Variants in USP28 observed in about 807,000 individuals in gnomAD.
USP28 encodes the protein ubiquitin specific peptidase 28, also known as ubiquitin carboxyl-terminal hydrolase 28.
Under a neutral mutation model 145.0 loss-of-function variants are expected in USP28, and 113 were observed. That is an observed-to-expected ratio of 0.78 (90% CI 0.67 to 0.91). The LOEUF (loss-of-function observed/expected upper bound fraction) is 0.91, where lower values mean the gene tolerates loss of function less well. Among genes scored for constraint, USP28 ranks in the 40% least tolerant of loss-of-function variants. USP28 has a pLI of 0.00. For missense variants in USP28, 1,201 were observed against 1,289.6 expected (o/e 0.93, Z 1.05); for synonymous variants, 447 against 450.9 (o/e 0.99, Z 0.11).
chr11:113,861,905 A>AT (rs1947735956), intron 1 of USP28, among the ~76,000 whole-genome samples: 1 of 152,246 alleles, frequency 6.6e-6, no homozygotes, highest in South Asian at 2.1e-4. Context: ...TTAACAACAT[A>AT]TTGGTAGGGC....
At chr11:113,872,282 C>T (rs181666546) in intron 1 of USP28, among the ~76,000 whole-genome samples, 1 of 152,048 alleles carries the variant, frequency 6.6e-6, no homozygotes, top group Non-Finnish European at 1.5e-5. Context: ...GTCAGGAGAT[C>T]GAGACCATCC....
chr11:113,843,251 G>A (rs1945413762), intron 3 of USP28, among the ~76,000 whole-genome samples: 1 of 151,746 alleles, frequency 6.6e-6, no homozygotes, highest in Admixed American at 6.6e-5. Flanking sequence ...ATATAGACTG[G>A]AAAATAAGAA....
chr11:113,840,003 A>G (rs1401382930), intron 5 of USP28, among the ~76,000 whole-genome samples: 1 of 152,192 alleles, frequency 6.6e-6, no homozygotes, highest in Non-Finnish European at 1.5e-5. Flanking sequence ...AGAGCGAGAC[A>G]CTGTGTCAGA....
intron 15 of USP28, 163 bp downstream of exon 15, chr11:113,813,722 T>C (rs1283452408): frequency 1.5e-6 from 1 of 661,438 alleles, no homozygotes. Flanking sequence ...ATTGCTTTCT[T>C]TAGCCTAAAA....
chr11:113,803,727 AT>A, intron 22 of USP28, 70 bp downstream of exon 23: 3 of 1,263,178 alleles, frequency 2.4e-6, no homozygotes, highest in Non-Finnish European at 3.4e-6. Flanking sequence ...GACTCTTAGT[AT>A]TCCCAGGTAG....
intron 12 of USP28, among the ~76,000 whole-genome samples, chr11:113,822,966 G>T (rs1942847141): frequency 6.6e-6 from 1 of 152,112 alleles, no homozygotes; most frequent in Non-Finnish European, 1.5e-5. Context: ...ACTGTTAAGT[G>T]GATAAAGGGA....
chr11:113,822,777 A>G (rs553845747), intron 12 of USP28, among the ~76,000 whole-genome samples: 1 of 152,298 alleles, frequency 6.6e-6, no homozygotes, highest in South Asian at 2.1e-4. Flanking sequence ...ATAAAGACAA[A>G]TGACTAGTCA....
intron 1 of USP28, among the ~76,000 whole-genome samples, chr11:113,864,075 A>G (rs1302926267): frequency 6.6e-6 from 1 of 151,436 alleles, no homozygotes; most frequent in East Asian, 1.9e-4. Context: ...CCCCATCTCT[A>G]CTAAAAATAC....
At chr11:113,850,710 A>C (rs1245262614) in intron 3 of USP28, among the ~76,000 whole-genome samples, 2 of 152,110 alleles carry the variant, frequency 1.3e-5, no homozygotes, top group Non-Finnish European at 2.9e-5. Flanking sequence ...CAGACCTCTG[A>C]ACATAGGCAG....
At chr11:113,862,717 C>T (rs892503491) in intron 1 of USP28, among the ~76,000 whole-genome samples, 3 of 152,010 alleles carry the variant, frequency 2.0e-5, no homozygotes, top group South Asian at 2.1e-4. Flanking sequence ...TAAGAGAATG[C>T]CATTGCCAAT....
intron 3 of USP28, among the ~76,000 whole-genome samples, chr11:113,846,606 G>GTA (rs1945878569): frequency 1.3e-5 from 2 of 152,106 alleles, no homozygotes; most frequent in African/African-American, 4.8e-5. Flanking sequence ...ATTTAAGAAT[G>GTA]GATAAAGTAT....
intron 16 of USP28, among the ~76,000 whole-genome samples, chr11:113,810,698 C>G (rs1940832884): frequency 6.6e-6 from 1 of 152,082 alleles, no homozygotes; most frequent in South Asian, 2.1e-4. Flanking sequence ...TTTTTTGAGA[C>G]AAAGTCTCAC....
At chr11:113,823,211 C>T (rs1215260214) in intron 12 of USP28, among the ~76,000 whole-genome samples, 2 of 152,120 alleles carry the variant, frequency 1.3e-5, no homozygotes, top group African/African-American at 2.4e-5. Flanking sequence ...GGTAGAAAAG[C>T]ACTGTTTTTT....
chr11:113,799,531 A>G (rs1938551754), intron 24 of USP28, 116 bp from the exon 26 acceptor site: 2 of 1,178,586 alleles, frequency 1.7e-6, no homozygotes, highest in Non-Finnish European at 2.3e-6. Flanking sequence ...TATGCTGGCC[A>G]GTTACTAATA....
intron 11 of USP28, 36 bp downstream of exon 11, chr11:113,827,197 T>A: frequency 6.3e-7 from 1 of 1,590,038 alleles, no homozygotes; most frequent in Non-Finnish European, 8.5e-7. Flanking sequence ...ACTGCTGTAA[T>A]ACCTCAGGAA....
At chr11:113,859,898 A>C (rs1947468252) in intron 1 of USP28, among the ~76,000 whole-genome samples, 1 of 152,242 alleles carries the variant, frequency 6.6e-6, no homozygotes, top group African/African-American at 2.4e-5. Flanking sequence ...GCAGTAAAGA[A>C]AGACAGGCAA....
chr11:113,853,645 C>G (rs1049760692), intron 2 of USP28, among the ~76,000 whole-genome samples: 4 of 152,016 alleles, frequency 2.6e-5, no homozygotes, highest in African/African-American at 9.6e-5. Context: ...GAGGCCAGGT[C>G]GGGTGGATCA....
At chr11:113,839,135 C>T (rs372369256) in intron 5 of USP28, among the ~76,000 whole-genome samples, 47 of 152,344 alleles carry the variant, frequency 3.1e-4, no homozygotes, top group African/African-American at 1.1e-3. Context: ...ATATAATTAT[C>T]TGCCTACATG....
chr11:113,801,693 T>G lies in USP28; in HGVS notation c.2863-15A>C. ...GCATTCAGCTCCTACAGATAAAAGG[T>G]AGAATTAGGTGGGGAAGAGTCTGAA... On this transcript the variant is annotated splice_polypyrimidine_tract_variant and intron_variant, in intron 23 of 24. Coordinates refer to ENST00000003302, the Ensembl canonical transcript of USP28. 6.5e-7 allele frequency: 1 copy of G among 1,545,744 alleles called. No homozygotes were observed. Among genetic ancestry groups the G allele is most frequent in the Non-Finnish European group, 8.8e-7 (1 of 1,131,562 alleles).
Sources: gnomAD v4.1 joint callset for allele counts (sites outside exome capture counted in the v4.1 genomes callset) on GRCh38, gnomAD v4.1.1 for gene constraint, MANE v1.5 for transcripts, NCBI Gene and HGNC (gene_info 2026-07-23, HGNC 2026-07-21) for gene names.